Variants in MROH2B observed in about 807,000 individuals in gnomAD.
MROH2B encodes the protein maestro heat-like repeat-containing protein family member 2B.
A neutral mutation model predicts 208.6 loss-of-function variants in MROH2B; 177 were observed. That is an observed-to-expected ratio of 0.85 (90% CI 0.75 to 0.96). MROH2B has a LOEUF of 0.96. Ranked by LOEUF, MROH2B falls within the 40% of genes least tolerant of loss-of-function variation. The pLI is 0.00. For missense variants in MROH2B, 2,002 were observed against 1,878.7 expected (o/e 1.07, Z -1.21); for synonymous variants, 728 against 659.0 (o/e 1.10, Z -1.60).
intron 24 of MROH2B, among the ~76,000 whole-genome samples, chr5:41,028,339 C>T (rs908657643): frequency 6.6e-6 from 1 of 152,162 alleles, no homozygotes; most frequent in Admixed American, 6.5e-5. Context: ...ACTCACTTAG[C>T]AAAATCCTTA....
intron 20 of MROH2B, 32 bp from the exon 21 acceptor site, chr5:41,038,920 G>T: frequency 6.4e-7 from 1 of 1,570,272 alleles, no homozygotes. Flanking sequence ...CATGAAAAAT[G>T]TGACTGAAGG....
In MROH2B at chr5:41,041,678, A is replaced by G. The variant is rs181626048; in HGVS notation, c.1953+414T>C. ...CATCTTCTCCTTCCTCCACATTTATATATACTCTATAGCCACAGGCTATGG... is the reference window on the plus strand; with the variant it reads ...CATCTTCTCCTTCCTCCACATTTATGTATACTCTATAGCCACAGGCTATGG... On this transcript the variant is annotated intron_variant, in intron 19 of 41. Transcript: ENST00000399564. Among the ~76,000 whole-genome samples, 889 of 152,252 alleles carry G rather than the reference A, an allele frequency of 5.8e-3. 8 individuals are homozygous for G. Among genetic ancestry groups the G allele is most frequent in the African/African-American group, 0.021 (859 of 41,564 alleles).
chr5:41,028,193 A>G (rs1482300796), intron 24 of MROH2B, among the ~76,000 whole-genome samples: 1 of 152,184 alleles, frequency 6.6e-6, no homozygotes, highest in Non-Finnish European at 1.5e-5. Context: ...ATATATAAAA[A>G]AAGATATACG....
intron 24 of MROH2B, among the ~76,000 whole-genome samples, chr5:41,028,049 G>C (rs1288791640): frequency 6.6e-6 from 1 of 151,386 alleles, no homozygotes; most frequent in Non-Finnish European, 1.5e-5. Flanking sequence ...GGGGTGGGGG[G>C]ATGGGGGAGG....
chr5:40,998,314 G>A (rs1741274426), intron 41 of MROH2B, among the ~76,000 whole-genome samples, 156 bp from the exon 42 acceptor site: 2 of 152,198 alleles, frequency 1.3e-5, no homozygotes, highest in African/African-American at 4.8e-5. Context: ...GGTAGGATGT[G>A]GAACTACAAG....
intron 4 of MROH2B, 107 bp downstream of exon 4, chr5:41,065,224 A>G (rs1213417427): frequency 5.4e-6 from 6 of 1,118,294 alleles, no homozygotes; most frequent in African/African-American, 1.6e-5. Flanking sequence ...TTCTTGGTAC[A>G]GAAGAAGGCA....
rs777780914 is a variant in MROH2B at position 41,049,318 on chromosome 5, G to C, written c.1463C>G (p.Ala488Gly). 2.5e-6 allele frequency: 4 copies of C among 1,613,508 alleles called. No homozygotes were observed. The highest frequency in any genetic ancestry group is 3.4e-6 in the Non-Finnish European group (4 of 1,179,742). Residue 488 changes from alanine (A) to glycine (G), a missense_variant, in exon 14 of 42, where the codon GCC becomes GGC. Coordinates refer to ENST00000399564, the MANE Select transcript of MROH2B (RefSeq NM_173489.5). ...GACGACAAGTGCTGTCGACTCCTTG[G>C]CACTGTGCTGCTTCTTCTCCTCTGC... The part of the protein sequence containing the change: ...IMAEEKKQHS[A>G]KESTALVVST...
intron 5 of MROH2B, 51 bp downstream of exon 5, chr5:41,064,421 A>G: frequency 6.8e-7 from 1 of 1,466,138 alleles, no homozygotes; most frequent in Non-Finnish European, 9.5e-7. Flanking sequence ...AATTTGTAAG[A>G]CAGTTCACAG....
chr5:41,027,794 C>T lies in MROH2B; in HGVS notation c.2441+4948G>A, dbSNP rs539018523. 1.0e-3 allele frequency among the ~76,000 whole-genome samples: 154 copies of T among 152,220 alleles called. 2 individuals carry two copies. The highest frequency in any genetic ancestry group is 6.8e-3 in the Middle Eastern group (2 of 294). On this transcript the variant is annotated intron_variant, in intron 24 of 41. Transcript: ENST00000399564. Reference sequence around the variant, plus strand: ...CAAAGACTTGGAACCAACCCAAATGCCCATCAATGATAGACTGGATTAAGA... The same window carrying T: ...CAAAGACTTGGAACCAACCCAAATGTCCATCAATGATAGACTGGATTAAGA...
Position 41,051,103 on chromosome 5 carries a change from T to C in MROH2B, c.1231-13A>G. Reference sequence around the variant, plus strand: ...TCACTGGTTTCTCCTTTAAGAAAGATCAAACAGGTGACTTGTTAATGACTC... The same window carrying C: ...TCACTGGTTTCTCCTTTAAGAAAGACCAAACAGGTGACTTGTTAATGACTC... On this transcript the variant is annotated splice_polypyrimidine_tract_variant and intron_variant, in intron 12 of 41. Transcript: ENST00000399564. The C allele has an allele frequency of 6.6e-7, 1 of 1,506,688 alleles. No individual in the cohort carries two copies. Among genetic ancestry groups the C allele is most frequent in the South Asian group, 1.4e-5 (1 of 73,822 alleles). 93.3% of individuals were successfully genotyped at this position (1,506,688 alleles called of 1,614,324 possible).
Position 41,005,270 on chromosome 5 carries a change from T to C in MROH2B, c.3864+261A>G, listed in dbSNP as rs188865613. On this transcript the variant is annotated intron_variant, in intron 35 of 41. Transcript: ENST00000399564. ...AAGCGTCAGTGCTACAATGCTTTGTTTGATCCCTCACAGATTTATTGTCCC... is the reference window on the plus strand; with the variant it reads ...AAGCGTCAGTGCTACAATGCTTTGTCTGATCCCTCACAGATTTATTGTCCC... 283 of 537,460 alleles carry C rather than the reference T, an allele frequency of 5.3e-4. 2 individuals are homozygous for C. Among genetic ancestry groups the C allele is most frequent in the East Asian group, 2.9e-4 (10 of 34,092 alleles). The allele number at this position is 537,460 out of a possible 1,614,324, so 33.3% of individuals were successfully genotyped here.
chr5:41,059,692 T>C (rs1241793130), intron 6 of MROH2B, among the ~76,000 whole-genome samples: 2 of 152,164 alleles, frequency 1.3e-5, no homozygotes, highest in East Asian at 3.9e-4. Flanking sequence ...ACTTCTCCTT[T>C]CTAAGCTTCT....
At chr5:41,030,289 T>C (rs572424270) in intron 24 of MROH2B, among the ~76,000 whole-genome samples, 201 of 151,884 alleles carry the variant, frequency 1.3e-3, no homozygotes, top group Non-Finnish European at 2.3e-3. Flanking sequence ...TTAGAATGGG[T>C]ATAAAAAACA....
intron 21 of MROH2B, 151 bp from the exon 22 acceptor site, chr5:41,034,015 G>C (rs934866856): frequency 4.4e-5 from 42 of 957,682 alleles, no homozygotes; most frequent in South Asian, 2.0e-4. Context: ...AGGGGAGGGG[G>C]GCAATTCACT....
intron 19 of MROH2B, among the ~76,000 whole-genome samples, chr5:41,040,159 T>C (rs1298455417): frequency 6.6e-6 from 1 of 152,200 alleles, no homozygotes; most frequent in East Asian, 1.9e-4. Context: ...GGAGGTTTTT[T>C]TTCAGCTTGA....
chr5:41,009,565 A>G (rs1469404910), intron 31 of MROH2B, among the ~76,000 whole-genome samples, 159 bp from the exon 32 acceptor site: 2 of 152,180 alleles, frequency 1.3e-5, no homozygotes, highest in African/African-American at 4.8e-5. Flanking sequence ...GTTTTACATA[A>G]CAATTCAGCA....
intron 37 of MROH2B, among the ~76,000 whole-genome samples, chr5:41,001,970 A>G (rs1049387912): frequency 2.0e-5 from 3 of 152,216 alleles, no homozygotes; most frequent in African/African-American, 7.2e-5. Flanking sequence ...GTTAATATAG[A>G]TCTTCTAAAA....
In MROH2B at chr5:41,000,852, G is replaced by C; in HGVS notation, c.4195-19C>G. ...CCTGCTCCTGTGGTGACGAATGCATGTCGTGGTGAATATCCTCTCAGAGGC... is the reference window on the plus strand; with the variant it reads ...CCTGCTCCTGTGGTGACGAATGCATCTCGTGGTGAATATCCTCTCAGAGGC... On this transcript the variant is annotated intron_variant, in intron 37 of 41. Transcript: ENST00000399564. 3 of 1,601,154 alleles carry C rather than the reference G, an allele frequency of 1.9e-6. No homozygotes were observed. In the East Asian group the frequency reaches 6.7e-5, roughly 36 times the overall value.
chr5:41,017,025 T>A (rs1324386503), intron 28 of MROH2B, among the ~76,000 whole-genome samples: 1 of 152,140 alleles, frequency 6.6e-6, no homozygotes, highest in African/African-American at 2.4e-5. Context: ...GTCCCCAGCA[T>A]TAGAACAGTG....
Sources: gnomAD v4.1 joint callset for allele counts (sites outside exome capture counted in the v4.1 genomes callset) on GRCh38, gnomAD v4.1.1 for gene constraint, MANE v1.5 for transcripts, NCBI Gene and HGNC (gene_info 2026-07-23, HGNC 2026-07-21) for gene names.